The following PDE4C variants were observed in gnomAD, a reference collection of about 807,000 sequenced individuals.
The protein encoded by PDE4C is phosphodiesterase 4C, also known as 3',5'-cyclic-AMP phosphodiesterase 4C.
Under a neutral mutation model 63.9 loss-of-function variants are expected in PDE4C, and 50 were observed. The ratio of observed to expected loss-of-function variants is 0.78; its 90% confidence interval spans 0.62 to 0.99. The LOEUF (loss-of-function observed/expected upper bound fraction) is 0.99. Ranked by LOEUF, PDE4C falls within the 50% of genes least tolerant of loss-of-function variation. The pLI, the probability that PDE4C is intolerant of heterozygous loss-of-function variation, is 0.00. For missense variants in PDE4C, 777 were observed against 899.1 expected (o/e 0.86, Z 1.74); for synonymous variants, 377 against 385.1 (o/e 0.98, Z 0.25).
chr19:18,228,558 T>C (rs962811586), upstream of PDE4C, among the ~76,000 whole-genome samples: 1 of 152,190 alleles, frequency 6.6e-6, no homozygotes, highest in Non-Finnish European at 1.5e-5. Flanking sequence ...CGTTAACTCA[T>C]TTCATCCCCT....
upstream of PDE4C, among the ~76,000 whole-genome samples, chr19:18,229,353 G>T (rs1240204989): frequency 6.6e-6 from 1 of 152,024 alleles, no homozygotes; most frequent in Non-Finnish European, 1.5e-5. Flanking sequence ...TGATTCTCCT[G>T]CCTCAACCTC....
rs145807214 is a variant in PDE4C at position 18,243,004 on chromosome 19, G to A, written c.-210+5167C>T. 7.0e-3 allele frequency among the ~76,000 whole-genome samples: 1,061 copies of A among 152,246 alleles called. 12 individuals are homozygous for A. The highest frequency in any genetic ancestry group is 0.022 in the African/African-American group (932 of 41,548). ...GGCTAGAGCAGTGGCCAGGTGATAT[G>A]GACCAGAGCGGGGCCTGTGAGTGGA... On this transcript the variant is annotated intron_variant, in intron 1 of 15. Transcript: ENST00000594617.
At chr19:18,229,292 G>A (rs923691220), upstream of PDE4C, among the ~76,000 whole-genome samples, 2 of 151,604 alleles carry the variant, frequency 1.3e-5, no homozygotes, top group Non-Finnish European at 2.9e-5. Flanking sequence ...CCAGGGTGGA[G>A]TGCAGTGGCG....
intron 1 of PDE4C, among the ~76,000 whole-genome samples, chr19:18,223,673 G>T (rs1443400620): frequency 6.6e-6 from 1 of 152,174 alleles, no homozygotes; most frequent in Non-Finnish European, 1.5e-5. Flanking sequence ...GCGTGATGTA[G>T]CCCATCCCCG....
upstream of PDE4C, among the ~76,000 whole-genome samples, chr19:18,231,174 G>T (rs1163890188): frequency 6.6e-6 from 1 of 152,210 alleles, no homozygotes; most frequent in Non-Finnish European, 1.5e-5. Context: ...GCTTCCCCCT[G>T]GGGTGAACCC....
At chr19:18,240,006 C>G (rs1443419539) in intron 1 of PDE4C, among the ~76,000 whole-genome samples, 11 of 151,962 alleles carry the variant, frequency 7.2e-5, no homozygotes. Flanking sequence ...CAACAGCACT[C>G]AGGCTGGAGT....
chr19:18,210,947 G>T, exon 15 of PDE4C: 2 of 1,610,242 alleles, frequency 1.2e-6, no homozygotes, highest in African/African-American at 1.3e-5. Flanking sequence ...TCTGGTTGTC[G>T]AGGGGTAAGT....
At chr19:18,213,252 C>T in intron 13 of PDE4C, 116 bp downstream of exon 13, 1 of 950,460 alleles carries the variant, frequency 1.1e-6, no homozygotes, top group Non-Finnish European at 1.4e-6. Context: ...CCACTGCACT[C>T]CAGCCTGGGC....
intron 12 of PDE4C, among the ~76,000 whole-genome samples, chr19:18,214,151 G>A (rs539260712): frequency 3.3e-5 from 5 of 151,992 alleles, no homozygotes; most frequent in East Asian, 1.9e-4. Context: ...CCAGCTACTC[G>A]GAAGGCTGAG....
At position 18,233,519 on chromosome 19, in the gene PDE4C, T is replaced by C. The variant is rs115714530; in HGVS notation, c.-328A>G. The C allele has an allele frequency of 1.0e-3, 616 of 594,232 alleles. 4 individuals carry two copies. The highest frequency in any genetic ancestry group is 8.0e-3 in the African/African-American group (437 of 54,744). 36.8% of individuals were successfully genotyped at this position (594,232 alleles called of 1,614,324 possible). ...GTCTGCCGTCCCCTATAGCGCTGCA[T>C]GGAAAAGAACCAAGACAAGGACTTG... On this transcript the variant is annotated 5_prime_UTR_variant, in exon 1 of 15. Coordinates refer to the PDE4C transcript ENST00000594465.
upstream of PDE4C, among the ~76,000 whole-genome samples, chr19:18,231,330 C>T (rs761422576): frequency 3.3e-5 from 5 of 152,256 alleles, no homozygotes; most frequent in Non-Finnish European, 7.3e-5. Flanking sequence ...CTCCTGCCTC[C>T]CAGAGCCAAG....
In PDE4C at chr19:18,220,855, G is replaced by T. The variant is rs1234486264; in HGVS notation, c.499+19C>A. The T allele has an allele frequency of 6.2e-7, 1 of 1,605,368 alleles. No individual in the cohort carries two copies. Among genetic ancestry groups the T allele is most frequent in the Admixed American group, 1.7e-5 (1 of 58,414 alleles). ...TCCCAGCTGTCCTCAGCGGGGGAGG[G>T]AAGGAACAGGTACTTTACCTGCAGG... On this transcript the variant is annotated intron_variant, in intron 5 of 14. Transcript: ENST00000262805. This position sits in a 1 kb window ranked among gnomAD's most constrained non-coding sequence, Gnocchi z 5.1.
In PDE4C at chr19:18,216,739, A is replaced by AC; in HGVS notation, c.1389+1dup. Reference sequence around the variant, plus strand: ...CCGCCCCGCTTACTGCCCTGGCCTCACCATGTCAATGACCATCCTGCGCAG... The same window carrying AC: ...CCGCCCCGCTTACTGCCCTGGCCTCACCCATGTCAATGACCATCCTGCGCAG... On this transcript the variant is annotated splice_donor_variant, in intron 12 of 14. Transcript: ENST00000262805. LOFTEE classifies it high-confidence loss of function. 6.2e-7 allele frequency: 1 copy of AC among 1,600,354 alleles called. No homozygotes were observed. Among genetic ancestry groups the AC allele is most frequent in the Non-Finnish European group, 8.5e-7 (1 of 1,171,680 alleles).
At chr19:18,249,356 C>G (rs1242574957), upstream of PDE4C, among the ~76,000 whole-genome samples, 1 of 152,134 alleles carries the variant, frequency 6.6e-6, no homozygotes, top group Non-Finnish European at 1.5e-5. Context: ...CTTACCGCAA[C>G]CTCTGACTCC....
At chr19:18,219,966 T>C (rs1338360009) in intron 7 of PDE4C, among the ~76,000 whole-genome samples, 1 of 152,126 alleles carries the variant, frequency 6.6e-6, no homozygotes, top group African/African-American at 2.4e-5. Flanking sequence ...TAATGTCCTT[T>C]CCGTCTCCCA....
upstream of PDE4C, among the ~76,000 whole-genome samples, chr19:18,227,095 G>A (rs888977852): frequency 2.0e-5 from 3 of 152,098 alleles, no homozygotes; most frequent in Non-Finnish European, 1.5e-5. Flanking sequence ...GGGCATCACC[G>A]AGGTATAGAG....
chr19:18,246,164 C>T (rs10425444), intron 1 of PDE4C, among the ~76,000 whole-genome samples: 21,349 of 148,176 alleles, frequency 0.14, 2,149 homozygotes, highest in East Asian at 0.37. Context: ...TACAGGTGCC[C>T]GCCACCACAC....
At position 18,220,080 on chromosome 19, in the gene PDE4C, C is replaced by T; in HGVS notation, c.706+146G>A. The T allele has an allele frequency of 1.4e-6, 1 of 692,102 alleles. No individual in the cohort carries two copies. The highest frequency in any genetic ancestry group is 2.6e-6 in the Non-Finnish European group (1 of 387,370). 42.9% of individuals were successfully genotyped at this position (692,102 alleles called of 1,614,324 possible). ...GCTCCTGGAAGTTCCCCTTGTTCCTCCCTCTGATCCAGCCCTGACTCATGG... is the reference window on the plus strand; with the variant it reads ...GCTCCTGGAAGTTCCCCTTGTTCCTTCCTCTGATCCAGCCCTGACTCATGG... On this transcript the variant is annotated intron_variant, in intron 7 of 14. Transcript: ENST00000262805. This position sits in a 1 kb window ranked among gnomAD's most constrained non-coding sequence, Gnocchi z 5.1.
At chr19:18,232,374 C>T (rs1968865644) in intron 1 of PDE4C, among the ~76,000 whole-genome samples, 1 of 149,848 alleles carries the variant, frequency 6.7e-6, no homozygotes, top group Admixed American at 6.6e-5. Flanking sequence ...AAAATAAAAA[C>T]GTGTGTGTGT....
Sources: gnomAD v4.1 joint callset for allele counts (sites outside exome capture counted in the v4.1 genomes callset) on GRCh38, gnomAD v4.1.1 for gene constraint, Gnocchi (gnomAD v3.1) non-coding constraint, MANE v1.5 for transcripts, NCBI Gene and HGNC (gene_info 2026-07-23, HGNC 2026-07-21) for gene names.